MGAM2: variants seen among roughly 807,000 people sequenced by gnomAD.
MGAM2 encodes probable maltase-glucoamylase 2.
In MGAM2, 98 loss-of-function variants were observed where a neutral mutation model predicts 96.1. The observed-to-expected ratio is 1.02, with a 90% CI of 0.87 to 1.21. MGAM2 has a LOEUF of 1.21. Among genes scored for constraint, MGAM2 ranks in the 50% most tolerant of loss-of-function variants. The pLI, the probability that MGAM2 is intolerant of heterozygous loss-of-function variation, is 0.00. For synonymous variants in MGAM2, 749 were observed against 414.8 expected (o/e 1.81, Z -9.79); for missense variants, 2,055 against 1,182.4 (o/e 1.74, Z -10.82).
At chr7:142,158,999 G>T (rs1036237791) in intron 19 of MGAM2, among the ~76,000 whole-genome samples, 16 of 152,162 alleles carry the variant, frequency 1.1e-4, no homozygotes, top group Admixed American at 5.9e-4. Flanking sequence ...GGCCTGGCTG[G>T]CTCACTGTCC....
At chr7:142,147,934 G>T (rs958741756) in intron 15 of MGAM2, among the ~76,000 whole-genome samples, 8 of 152,238 alleles carry the variant, frequency 5.3e-5, no homozygotes, top group African/African-American at 1.9e-4. Context: ...TTAAATTTGT[G>T]TGGGACATTC....
chr7:142,170,046 CAG>C, intron 26 of MGAM2, 27 bp from the exon 27 acceptor site: 1 of 685,864 alleles, frequency 1.5e-6, no homozygotes, highest in Non-Finnish European at 2.6e-6. Flanking sequence ...GAGACCCTAA[CAG>C]AAAGTTTTCT....
intron 12 of MGAM2, among the ~76,000 whole-genome samples, chr7:142,143,204 T>G (rs1289088776): frequency 6.6e-6 from 1 of 152,222 alleles, no homozygotes; most frequent in South Asian, 2.1e-4. Flanking sequence ...TTTCAAAAAT[T>G]TGGCTATGGT....
chr7:142,159,609 G>A (rs180778917), intron 20 of MGAM2, among the ~76,000 whole-genome samples: 7 of 152,242 alleles, frequency 4.6e-5, no homozygotes, highest in South Asian at 2.1e-4. Context: ...GGCAGATTCC[G>A]TGTCTGGTGA....
At position 142,148,395 on chromosome 7, in the gene MGAM2, CCAT is replaced by C. The variant is rs1486818606; in HGVS notation, c.1634+825_1634+827del. On this transcript the variant is annotated intron_variant, in intron 15 of 47. Coordinates refer to ENST00000477922, the MANE Select transcript of MGAM2 (RefSeq NM_001293626.2). The surrounding 1 kb of genome is among the most constrained non-coding windows in gnomAD (Gnocchi z 4.2). Reference sequence around the variant, plus strand: ...ACCACCACCACCATCCCTACCACCACCATCACCATCATCACTATCCCCATCACC... The same window carrying C: ...ACCACCACCACCATCCCTACCACCACCACCATCATCACTATCCCCATCACC... 1.3e-5 allele frequency among the ~76,000 whole-genome samples: 2 copies of C among 152,086 alleles called. No individual in the cohort carries two copies. The highest frequency in any genetic ancestry group is 2.9e-5 in the Non-Finnish European group (2 of 68,010).
At chr7:142,183,132 T>A (rs952178662) in intron 32 of MGAM2, 134 bp from the exon 33 acceptor site, 2 of 473,048 alleles carry the variant, frequency 4.2e-6, no homozygotes, top group Admixed American at 4.0e-5. Context: ...TCAATGATTT[T>A]TATTTTATTT....
chr7:142,141,264 G>A (rs1395206299), intron 12 of MGAM2, 145 bp downstream of exon 12: 2 of 549,196 alleles, frequency 3.6e-6, no homozygotes, highest in Non-Finnish European at 6.4e-6. Flanking sequence ...TAAACCAGTA[G>A]ATATAATAAT....
intron 28 of MGAM2, 111 bp downstream of exon 28, chr7:142,171,551 A>C (rs1253224006): frequency 3.6e-6 from 2 of 554,158 alleles, no homozygotes; most frequent in African/African-American, 4.0e-5. Context: ...ATATTGATAA[A>C]TTCCGCTCTC....
chr7:142,217,191 C>T (rs1797789782), intron 46 of MGAM2, among the ~76,000 whole-genome samples: 1 of 152,100 alleles, frequency 6.6e-6, no homozygotes, highest in Non-Finnish European at 1.5e-5. Flanking sequence ...TAATTTATGT[C>T]ATATTATTTT....
At chr7:142,117,171 T>G (rs1817438521) in intron 2 of MGAM2, among the ~76,000 whole-genome samples, 192 bp downstream of exon 2, 1 of 152,174 alleles carries the variant, frequency 6.6e-6, no homozygotes, top group Non-Finnish European at 1.5e-5. Context: ...TGAATGTTAG[T>G]GACATTTAGG....
intron 45 of MGAM2, chr7:142,208,077 T>C: frequency 2.3e-6 from 1 of 425,702 alleles, no homozygotes; most frequent in South Asian, 1.7e-5. Context: ...GGTACTATTA[T>C]CTCCATTCTA....
At chr7:142,113,813 A>G (rs1200779035) in intron 1 of MGAM2, among the ~76,000 whole-genome samples, 1 of 152,072 alleles carries the variant, frequency 6.6e-6, no homozygotes, top group Non-Finnish European at 1.5e-5. Context: ...AGAAGCCTAT[A>G]CCAGAATTTG....
chr7:142,178,464 T>C (rs1796442432), intron 32 of MGAM2, among the ~76,000 whole-genome samples: 1 of 152,162 alleles, frequency 6.6e-6, no homozygotes, highest in Non-Finnish European at 1.5e-5. Flanking sequence ...CTAGATTTTC[T>C]TCTAGGATTT....
chr7:142,221,376 A>G lies in MGAM2; in HGVS notation c.6865A>G (p.Met2289Val), dbSNP rs1797922361. ...TTTSNNTNPG[M>V]TTYYQTSPTI... ...TACAAGTAATAATACTAATCCTGGCATGACTACTTATTACCAGACTTCTCC... is the reference window on the plus strand; with the variant it reads ...TACAAGTAATAATACTAATCCTGGCGTGACTACTTATTACCAGACTTCTCC... The change falls in exon 48 of 48, where the codon ATG becomes GTG. Residue 2289 changes from methionine to valine, a missense_variant. Coordinates refer to ENST00000477922, the MANE Select transcript of MGAM2 (RefSeq NM_001293626.2). 1.6e-6 allele frequency: 1 copy of G among 609,866 alleles called. No individual in the cohort carries two copies. The highest frequency in any genetic ancestry group is 2.9e-6 in the Non-Finnish European group (1 of 342,420). 37.8% of individuals were successfully genotyped at this position (609,866 alleles called of 1,614,324 possible).
intron 21 of MGAM2, among the ~76,000 whole-genome samples, chr7:142,160,521 A>G (rs1395484723): frequency 6.6e-6 from 1 of 151,990 alleles, no homozygotes; most frequent in East Asian, 1.9e-4. Context: ...ATCACTGAGG[A>G]GGATTTCCCT....
In MGAM2 at chr7:142,164,137, A is replaced by C. The variant is rs115923083; in HGVS notation, c.2485-719A>C. ...TCCAGTTGCCCCAGCACCTTTGTTG[A>C]AAAAAATCTGTCTTTGTAAAAAATC... On this transcript the variant is annotated intron_variant, in intron 23 of 47. Coordinates refer to ENST00000477922, the MANE Select transcript of MGAM2 (RefSeq NM_001293626.2). Among the ~76,000 whole-genome samples, 1,098 of 151,792 alleles carry C rather than the reference A, an allele frequency of 7.2e-3. 12 individuals carry two copies. The highest frequency in any genetic ancestry group is 0.025 in the African/African-American group (1,045 of 41,146).
rs1168852416 is a variant in MGAM2 at position 142,187,757 on chromosome 7, ATGAG to A, written c.4131_4134del (p.Glu1378HisfsTer17). On this transcript the variant is annotated frameshift_variant, in exon 36 of 48. Coordinates refer to ENST00000477922, the MANE Select transcript of MGAM2 (RefSeq NM_001293626.2). LOFTEE classifies it high-confidence loss of function. ...TTTGTTAACTCATTTCAGGATATGA[ATGAG>A]CCATCAAATTTTGTGGATGGATCTG... 1.4e-6 allele frequency: 1 copy of A among 702,812 alleles called. No homozygotes were observed. Among genetic ancestry groups the A allele is most frequent in the Non-Finnish European group, 2.6e-6 (1 of 384,824 alleles). 43.5% of individuals were successfully genotyped at this position (702,812 alleles called of 1,614,324 possible).
At chr7:142,112,699 C>T (rs766132901) in intron 1 of MGAM2, among the ~76,000 whole-genome samples, 2 of 151,896 alleles carry the variant, frequency 1.3e-5, no homozygotes, top group Non-Finnish European at 2.9e-5. Flanking sequence ...GTCTCAGTTC[C>T]ACCACTAACC....
At chr7:142,143,929 C>T (rs1563258121) in intron 13 of MGAM2, 47 bp downstream of exon 13, 4 of 698,472 alleles carry the variant, frequency 5.7e-6, no homozygotes, top group South Asian at 4.5e-5. Flanking sequence ...ACAGATAACG[C>T]CAAATTTTCA....
Sources: gnomAD v4.1 joint callset for allele counts (sites outside exome capture counted in the v4.1 genomes callset) on GRCh38, gnomAD v4.1.1 for gene constraint, Gnocchi (gnomAD v3.1) non-coding constraint, MANE v1.5 for transcripts, NCBI Gene and HGNC (gene_info 2026-07-23, HGNC 2026-07-21) for gene names.